ADCK1: variants seen among roughly 807,000 people sequenced by gnomAD.
The protein encoded by ADCK1 is aarF domain-containing protein kinase 1.
Under a neutral mutation model 52.3 loss-of-function variants are expected in ADCK1, and 41 were observed. That is an observed-to-expected ratio of 0.78 (90% CI 0.61 to 1.02). ADCK1 has a LOEUF of 1.02. Ranked by LOEUF, ADCK1 falls within the 50% of genes least tolerant of loss-of-function variation. The pLI, the probability that ADCK1 is intolerant of heterozygous loss-of-function variation, is 0.00. For missense variants in ADCK1, 658 were observed against 679.5 expected, an observed-to-expected ratio of 0.97 and a Z score of 0.35; for synonymous variants, 250 against 274.6, an observed-to-expected ratio of 0.91 and a Z score of 0.89.
intron 3 of ADCK1, among the ~76,000 whole-genome samples, chr14:77,844,468 C>T (rs367687442): frequency 6.6e-6 from 1 of 152,172 alleles, no homozygotes; most frequent in South Asian, 2.1e-4. Context: ...GCAAAGGAAC[C>T]GGTGTCCCTT....
chr14:77,900,374 G>A (rs1032642820), intron 6 of ADCK1, among the ~76,000 whole-genome samples: 14 of 151,970 alleles, frequency 9.2e-5, no homozygotes, highest in Non-Finnish European at 1.9e-4. Context: ...ATCACTTGAG[G>A]GAAGGAGTTC....
Position 77,924,574 on chromosome 14 carries a change from G to A in ADCK1, c.976G>A (p.Glu326Lys). The change falls in exon 8 of 11, where the codon GAG (glutamate) becomes AAG (lysine). Residue 326 changes from glutamate to lysine, a missense_variant. By Grantham distance (56) the Glu-to-Lys change is moderately conservative. Coordinates refer to ENST00000238561, the MANE Select transcript of ADCK1 (RefSeq NM_020421.4). ...VRKHPGTGKA[E>K]IVLLDHGLYQ... ...GAAGCACCCCGGCACGGGAAAGGCG[G>A]AGATTGTCCTGTTGGACCATGGGCT... 1 of 1,613,798 alleles carries A rather than the reference G, an allele frequency of 6.2e-7. No individual in the cohort carries two copies. The highest frequency in any genetic ancestry group is 1.1e-5 in the South Asian group (1 of 91,092).
At chr14:77,906,801 A>G (rs2083677075) in intron 6 of ADCK1, among the ~76,000 whole-genome samples, 1 of 152,138 alleles carries the variant, frequency 6.6e-6, no homozygotes, top group African/African-American at 2.4e-5. Context: ...TTTTTTTTAA[A>G]TCAAGGAAAT....
At chr14:77,803,055 A>G (rs1194860379) in intron 1 of ADCK1, among the ~76,000 whole-genome samples, 1 of 152,146 alleles carries the variant, frequency 6.6e-6, no homozygotes, top group Non-Finnish European at 1.5e-5. Flanking sequence ...GTCCCTTGCT[A>G]TTGACTTGGT....
chr14:77,808,306 G>A (rs1172793167), intron 1 of ADCK1, among the ~76,000 whole-genome samples: 1 of 152,152 alleles, frequency 6.6e-6, no homozygotes, highest in African/African-American at 2.4e-5. Context: ...CTGAGGGGTG[G>A]TCACTGTGGT....
chr14:77,906,373 C>T (rs2083665318), intron 6 of ADCK1, among the ~76,000 whole-genome samples: 1 of 152,236 alleles, frequency 6.6e-6, no homozygotes, highest in African/African-American at 2.4e-5. Flanking sequence ...TCCCTCCTGG[C>T]TGTGGGGGTA....
intron 3 of ADCK1, among the ~76,000 whole-genome samples, chr14:77,842,284 T>C (rs1446686029): frequency 6.6e-6 from 1 of 152,196 alleles, no homozygotes; most frequent in Non-Finnish European, 1.5e-5. Context: ...CTAATGATAT[T>C]AACAGGAGTT....
intron 4 of ADCK1, among the ~76,000 whole-genome samples, chr14:77,859,558 C>T (rs1365972265): frequency 6.6e-6 from 1 of 152,238 alleles, no homozygotes; most frequent in Admixed American, 6.5e-5. Flanking sequence ...ATAAATGTCA[C>T]TTACTGAAGG....
intron 1 of ADCK1, among the ~76,000 whole-genome samples, chr14:77,805,977 ATTCTTACGGCTTTTTTT>A (rs2081215533): frequency 7.8e-6 from 1 of 128,892 alleles, no homozygotes; most frequent in African/African-American, 2.9e-5. Flanking sequence ...CCATAATCCT[ATTCTTACGGCTTTTTTT>A]TTTTTTTTTT....
intron 3 of ADCK1, among the ~76,000 whole-genome samples, chr14:77,828,829 TTAA>T (rs1372832953): frequency 1.3e-4 from 18 of 141,672 alleles, no homozygotes; most frequent in South Asian, 2.3e-4. Flanking sequence ...GCCCAGCCAT[TTAA>T]TTATTTTTAT....
In ADCK1 at chr14:77,899,106, G is replaced by T; in HGVS notation, c.589G>T (p.Val197Phe). 6 of 1,613,686 alleles carry T rather than the reference G, an allele frequency of 3.7e-6. No individual in the cohort carries two copies. The highest frequency in any genetic ancestry group is 5.1e-6 in the Non-Finnish European group (6 of 1,180,004). ...GGTGCTTGTTGGATTTCAGGTGCTC[G>T]TTCTGGCTGTGAAGCAGCTGTTCCC... ...SKDILLMEVL[V>F]LAVKQLFPEF... The change falls in exon 6 of 11, where the codon GTT (valine) becomes TTT (phenylalanine). Residue 197 changes from valine to phenylalanine, a missense_variant. Transcript: ENST00000238561.
At chr14:77,830,947 C>T (rs2081835315) in intron 3 of ADCK1, among the ~76,000 whole-genome samples, 1 of 152,124 alleles carries the variant, frequency 6.6e-6, no homozygotes, top group Admixed American at 6.6e-5. Flanking sequence ...ATATCTTCTT[C>T]CTTACCTGAG....
intron 1 of ADCK1, among the ~76,000 whole-genome samples, chr14:77,813,587 G>T (rs1369382984): frequency 6.6e-6 from 1 of 152,130 alleles, no homozygotes; most frequent in Non-Finnish European, 1.5e-5. Context: ...GGGATTACAG[G>T]CATGAGCCAC....
intron 6 of ADCK1, among the ~76,000 whole-genome samples, chr14:77,905,304 G>GTTGTTTTTTTTTTTTT (rs2083636818): frequency 1.0e-5 from 1 of 96,278 alleles, no homozygotes; most frequent in Non-Finnish European, 2.0e-5. Flanking sequence ...TTCCTAGCTG[G>GTTGTTTTTTTTTTTTT]TTTTTTTTTT....
intron 7 of ADCK1, among the ~76,000 whole-genome samples, chr14:77,914,074 A>C (rs1171667987): frequency 6.6e-6 from 1 of 151,996 alleles, no homozygotes; most frequent in South Asian, 2.1e-4. Flanking sequence ...AGAACCCCCA[A>C]ATCTCATTTT....
intron 7 of ADCK1, among the ~76,000 whole-genome samples, chr14:77,912,433 C>CGT (rs57555913): frequency 0.29 from 40,170 of 137,916 alleles, 6,010 homozygotes; most frequent in Admixed American, 0.4. Context: ...TACGGAGGAG[C>CGT]GTGTGTGTGT....
chr14:77,861,424 G>A (rs950699326), intron 4 of ADCK1, among the ~76,000 whole-genome samples: 5 of 152,008 alleles, frequency 3.3e-5, no homozygotes, highest in East Asian at 3.9e-4. Flanking sequence ...GTGTGAGGGC[G>A]GGGTAATGTC....
At chr14:77,860,368 C>T (rs963849045) in intron 4 of ADCK1, among the ~76,000 whole-genome samples, 8 of 152,302 alleles carry the variant, frequency 5.3e-5, no homozygotes, top group East Asian at 1.9e-4. Flanking sequence ...GGCTACTTGG[C>T]GCAGGGCCAG....
intron 3 of ADCK1, among the ~76,000 whole-genome samples, chr14:77,856,405 G>A (rs2082417513): frequency 6.6e-6 from 1 of 152,138 alleles, no homozygotes; most frequent in Non-Finnish European, 1.5e-5. Flanking sequence ...CTCTGTGTGT[G>A]GGGTGTGTAT....
Sources: gnomAD v4.1 joint callset for allele counts (sites outside exome capture counted in the v4.1 genomes callset) on GRCh38, gnomAD v4.1.1 for gene constraint, MANE v1.5 for transcripts, NCBI Gene and HGNC (gene_info 2026-07-23, HGNC 2026-07-21) for gene names.